The following KHNYN variants were observed in gnomAD, a reference collection of about 807,000 sequenced individuals.
KHNYN encodes protein KHNYN.
Under a neutral mutation model 62.7 loss-of-function variants are expected in KHNYN, and 42 were observed. The ratio of observed to expected loss-of-function variants is 0.67; its 90% CI spans 0.52 to 0.87. The LOEUF (loss-of-function observed/expected upper bound fraction) is 0.87, where lower values mean the gene tolerates loss of function less well. Among genes scored for constraint, KHNYN ranks in the 40% least tolerant of loss-of-function variants. The pLI is 0.00. For synonymous variants in KHNYN, 347 were observed against 345.6 expected, an observed-to-expected ratio of 1.00 and a Z score of -0.04; for missense variants, 829 against 874.1, an observed-to-expected ratio of 0.95 and a Z score of 0.65.
At chr14:24,428,932 C>T (rs1365602346), upstream of KHNYN, 1 of 1,557,604 alleles carries the variant, frequency 6.4e-7, no homozygotes, top group Non-Finnish European at 8.7e-7. Context: ...ACTCCCCCTC[C>T]AGCAGGACGG....
rs752175459 is a variant in KHNYN at position 24,430,703 on chromosome 14, TC to T, written c.-17-7del. 1.8e-5 allele frequency: 28 copies of T among 1,551,242 alleles called. No homozygotes were observed. The highest frequency in any genetic ancestry group is 2.4e-5 in the Non-Finnish European group (28 of 1,147,126). On this transcript the variant is annotated splice_polypyrimidine_tract_variant and intron_variant, in intron 1 of 7. Transcript: ENST00000553935. ...TACAATGAGGCTCTGAGCTGCCTTC[TC>T]CCCTTCCAGGGCTGGGGGCAGCAGC...
rs1298502940 is a variant in KHNYN at position 24,441,702 on chromosome 14, G to A, written c.*4417G>A. The A allele has an allele frequency of 5.6e-6, 9 of 1,592,940 alleles. No individual in the cohort carries two copies. In the South Asian group the frequency reaches 1.0e-4, roughly 18 times the overall value. ...CACCTGTGACTAAGACCCAGGCCTT[G>A]GGGGGTTGTGGGGCTTTGGTGATGG... On this transcript the variant is annotated 3_prime_UTR_variant, in exon 8 of 8. Transcript: ENST00000553935.
chr14:24,427,689 C>T, upstream of KHNYN: 1 of 1,076,338 alleles, frequency 9.3e-7, no homozygotes, highest in Non-Finnish European at 1.4e-6. This position sits in a 1 kb window ranked among gnomAD's most constrained non-coding sequence, Gnocchi z 4.4. Flanking sequence ...GGGATAGGAG[C>T]CAGAGGGAGT....
intron 7 of KHNYN, 78 bp from the exon 8 acceptor site, chr14:24,436,958 T>G: frequency 1.3e-6 from 2 of 1,531,032 alleles, no homozygotes; most frequent in South Asian, 1.3e-5. Flanking sequence ...GGCAGGACAA[T>G]TACGAGAGGG....
chr14:24,429,215 C>T, upstream of KHNYN: 1 of 725,646 alleles, frequency 1.4e-6, no homozygotes, highest in Admixed American at 2.8e-5. Flanking sequence ...TCCTGCCTCC[C>T]ACTCTTACTC....
rs1309736336 is a variant in KHNYN at position 24,431,781 on chromosome 14, G to T, written c.520G>T (p.Ala174Ser). The T allele has an allele frequency of 5.6e-6, 9 of 1,614,164 alleles. No individual in the cohort carries two copies. Among genetic ancestry groups the T allele is most frequent in the Non-Finnish European group, 7.6e-6 (9 of 1,180,046 alleles). Residue 174 changes from alanine to serine, a missense_variant, in exon 3 of 8, where the codon GCC becomes TCC. Around this residue, in one of 2 missense-constraint regions of KHNYN, gnomAD observed 559 missense variants for 527.0 expected, o/e 1.06. Coordinates refer to ENST00000553935, the MANE Select transcript of KHNYN (RefSeq NM_015299.3). ...TGCCCTGCTGCAGTCCCCGGGGGAT[G>T]CCCATAGAGAGGCTCTGTTGCAGTT... is the stretch of plus-strand genomic sequence containing the variant. ...FSALLQSPGD[A>S]HREALLQLPL...
chr14:24,436,508 T>C lies in KHNYN; in HGVS notation c.1787+19T>C, dbSNP rs1234871337. 5 of 1,575,958 alleles carry C rather than the reference T, an allele frequency of 3.2e-6. No homozygotes were observed. Among genetic ancestry groups the C allele is most frequent in the Non-Finnish European group, 4.3e-6 (5 of 1,152,400 alleles). ...CAGCCAGGTAATCAATCCCCTAGAC[T>C]ACTTACAGGCAGCCCCCACCCCTGG... On this transcript the variant is annotated intron_variant, in intron 7 of 7. Transcript: ENST00000553935.
upstream of KHNYN, chr14:24,429,650 G>A: frequency 8.9e-7 from 1 of 1,119,724 alleles, no homozygotes; most frequent in South Asian, 1.7e-5. Context: ...TGGGCCTAGA[G>A]CACCAGTGGG....
Position 24,431,974 on chromosome 14 carries a change from G to A in KHNYN, c.713G>A (p.Gly238Glu), listed in dbSNP as rs142344659. ...PSDGRESLDT[G>E]SMGPGDCRGA... ...GACGGCAGGGAGTCCCTGGACACTG[G>A]ATCTATGGGACCCGGAGATTGCAGG... Residue 238 changes from glycine to glutamate, a missense_variant, in exon 3 of 8, where the codon GGA becomes GAA. Gly to Glu is a moderately conservative substitution (Grantham distance 98). Around this residue, in one of 2 missense-constraint regions of KHNYN, gnomAD observed 559 missense variants for 527.0 expected, o/e 1.06. Transcript: ENST00000553935. 7.4e-6 allele frequency: 12 copies of A among 1,612,362 alleles called. No individual in the cohort carries two copies. In the African/African-American group the frequency reaches 1.3e-4, roughly 18 times the overall value.
At chr14:24,435,013 A>G (rs2043183763) in intron 5 of KHNYN, among the ~76,000 whole-genome samples, 1 of 152,180 alleles carries the variant, frequency 6.6e-6, no homozygotes. Context: ...TGTTGAGAAG[A>G]CTGGGATGGG....
rs2043108309 is a variant in KHNYN, at chr14:24,431,358, G to A, written c.202-105G>A. On this transcript the variant is annotated intron_variant, in intron 2 of 7. Transcript: ENST00000553935. ...ATCTCTAAAATGGGAATAACATCAT[G>A]TGGATACTCCAGACATCCTGGAGCT... 6 of 862,160 alleles carry A rather than the reference G, an allele frequency of 7.0e-6. No homozygotes were observed. The South Asian group carries it at 8.6e-5, about 12-fold the overall frequency. The allele number at this position is 862,160 out of a possible 1,614,324, so 53.4% of individuals were successfully genotyped here.
chr14:24,423,173 A>G, the KHNYN span, among the ~76,000 whole-genome samples: 14 of 152,170 alleles, frequency 9.2e-5, no homozygotes, highest in African/African-American at 3.4e-4. Context: ...TTGTACTACA[A>G]TATTTTGCTT....
At chr14:24,424,492 C>T (rs564269424), upstream of KHNYN, among the ~76,000 whole-genome samples, 63 of 152,164 alleles carry the variant, frequency 4.1e-4, no homozygotes, top group Non-Finnish European at 7.9e-4. Context: ...TCCCTGGAAC[C>T]TGTGAATATG....
At chr14:24,427,503 A>C (rs1004817321), upstream of KHNYN, 7 of 412,300 alleles carry the variant, frequency 1.7e-5, no homozygotes, top group Non-Finnish European at 2.6e-5. This position sits in a 1 kb window ranked among gnomAD's most constrained non-coding sequence, Gnocchi z 4.4. Context: ...AGTAGTGCAG[A>C]TCTTCCTTCT....
chr14:24,433,562 TTGAC>T (rs75557086), intron 5 of KHNYN, among the ~76,000 whole-genome samples: 2,399 of 152,330 alleles, frequency 0.016, 28 homozygotes, highest in Non-Finnish European at 0.022. Flanking sequence ...CTCATTGACT[TTGAC>T]TGTGGAACTT....
upstream of KHNYN, chr14:24,428,761 G>C (rs767729762): frequency 6.3e-7 from 1 of 1,587,236 alleles, no homozygotes; most frequent in Non-Finnish European, 8.6e-7. Context: ...TTACCTGGTC[G>C]AAGTAGATGG....
Position 24,437,200 on chromosome 14 carries a change from A to G in KHNYN, c.1952A>G (p.His651Arg). ...CTGGAGGTGTTTTGGGGTCAGGATC[A>G]CAAAGTGGACTTCATCCTGCAGCGG... Reference protein sequence around the residue: ...QLLEVFWGQDHKVDFILQREP... With the variant: ...QLLEVFWGQDRKVDFILQREP... The change falls in exon 8 of 8, where the codon CAC becomes CGC. Residue 651 changes from histidine to arginine, a missense_variant. This residue lies in a region of KHNYN where 270 missense variants were observed against 347.1 expected (regional missense o/e 0.78). Coordinates refer to ENST00000553935, the MANE Select transcript of KHNYN (RefSeq NM_015299.3). The surrounding 1 kb of genome is among the most constrained non-coding windows in gnomAD (Gnocchi z 5.5). 6.2e-7 allele frequency: 1 copy of G among 1,614,216 alleles called. No individual in the cohort carries two copies. The highest frequency in any genetic ancestry group is 1.1e-5 in the South Asian group (1 of 91,082).
chr14:24,428,323 A>G, upstream of KHNYN: 1 of 1,613,878 alleles, frequency 6.2e-7, no homozygotes, highest in Non-Finnish European at 8.5e-7. Context: ...CACCACATGG[A>G]ACCGGAAGCT....
At position 24,432,289 on chromosome 14, in the gene KHNYN, T is replaced by C; in HGVS notation, c.1028T>C (p.Leu343Pro). 6.2e-7 allele frequency: 1 copy of C among 1,613,864 alleles called. No homozygotes were observed. Among genetic ancestry groups the C allele is most frequent in the East Asian group, 2.2e-5 (1 of 44,864 alleles). ...HRAAQSRGAS[L>P]LQRLHNGNAS... ...GCAGCTCAGTCCCGAGGAGCCTCCC[T>C]CCTCCAGCGGCTCCACAATGGGAAT... The change falls in exon 3 of 8, where the codon CTC (leucine) becomes CCC (proline). Residue 343 changes from leucine to proline, a missense_variant. This residue lies in a region of KHNYN where 559 missense variants were observed against 527.0 expected (regional missense o/e 1.06). Transcript: ENST00000553935. The surrounding 1 kb of genome is among the most constrained non-coding windows in gnomAD (Gnocchi z 5.6).
Sources: allele counts gnomAD v4.1 joint callset (sites outside exome capture counted in the v4.1 genomes callset), GRCh38; gene constraint gnomAD v4.1.1; regional missense constraint gnomAD v4.1.1; non-coding constraint Gnocchi (gnomAD v3.1); transcripts MANE v1.5; gene names NCBI Gene and HGNC (gene_info 2026-07-23, HGNC 2026-07-21).